Variants in PCDHGA8 observed in about 807,000 individuals in gnomAD.
PCDHGA8 encodes protocadherin gamma subfamily A, 8.
Under a neutral mutation model 59.2 loss-of-function variants are expected in PCDHGA8, and 45 were observed. That is an observed-to-expected ratio of 0.76 (90% CI 0.60 to 0.98). PCDHGA8 has a LOEUF of 0.98. Ranked by LOEUF, PCDHGA8 falls within the 50% of genes least tolerant of loss-of-function variation. The pLI is 0.00. For synonymous variants in PCDHGA8, 531 were observed against 519.0 expected, an observed-to-expected ratio of 1.02 and a Z score of -0.32; for missense variants, 1,257 against 1,196.2, an observed-to-expected ratio of 1.05 and a Z score of -0.75.
chr5:141,434,480 C>T (rs777049751), intron 1 of PCDHGA8, among the ~76,000 whole-genome samples: 6 of 152,194 alleles, frequency 3.9e-5, no homozygotes, highest in Non-Finnish European at 5.9e-5. Context: ...GGGCAAGGAA[C>T]ACCTGGCCCG....
chr5:141,425,576 G>A (rs2096883993), intron 1 of PCDHGA8, among the ~76,000 whole-genome samples: 1 of 152,166 alleles, frequency 6.6e-6, no homozygotes, highest in Non-Finnish European at 1.5e-5. Flanking sequence ...GAAGGGTTTG[G>A]CTAACTTTAT....
At chr5:141,478,338 C>T in intron 1 of PCDHGA8, 2 of 1,613,936 alleles carry the variant, frequency 1.2e-6, no homozygotes, top group South Asian at 1.1e-5. Flanking sequence ...CCAGGGCCCT[C>T]CTTGCACGCG....
At chr5:141,424,198 C>A (rs116187844) in intron 1 of PCDHGA8, 2 of 181,904 alleles carry the variant, frequency 1.1e-5, no homozygotes, top group South Asian at 1.9e-4. Context: ...CACTTATACA[C>A]GTAAGCTTTT....
chr5:141,480,152 C>G (rs2099513323), intron 1 of PCDHGA8, among the ~76,000 whole-genome samples: 1 of 151,928 alleles, frequency 6.6e-6, no homozygotes, highest in African/African-American at 2.4e-5. Context: ...TAGCCAGCTC[C>G]TAGCATTTTG....
Position 141,428,104 on chromosome 5 carries a change from T to C in PCDHGA8, c.2424+32867T>C, listed in dbSNP as rs751953406. ...AACGCTTGGCTGTCCTACCACGTGCTGCAGGCCATCGAGCCCGGGCTTTTC... is the reference window on the plus strand; with the variant it reads ...AACGCTTGGCTGTCCTACCACGTGCCGCAGGCCATCGAGCCCGGGCTTTTC... On this transcript the variant is annotated intron_variant, in intron 1 of 3. Coordinates refer to ENST00000398604, the MANE Select transcript of PCDHGA8 (RefSeq NM_032088.2). The C allele has an allele frequency of 1.9e-6, 3 of 1,608,398 alleles. No individual in the cohort carries two copies. The South Asian group carries it at 3.3e-5, about 18-fold the overall frequency.
chr5:141,469,517 G>A (rs1416478511), intron 1 of PCDHGA8, among the ~76,000 whole-genome samples: 1 of 152,198 alleles, frequency 6.6e-6, no homozygotes, highest in Non-Finnish European at 1.5e-5. Flanking sequence ...GGAGGTTGCA[G>A]TGAGCCAAGA....
chr5:141,466,646 T>C (rs954003023), intron 1 of PCDHGA8, among the ~76,000 whole-genome samples: 11 of 152,210 alleles, frequency 7.2e-5, no homozygotes, highest in African/African-American at 2.4e-4. Context: ...CATAAACTTT[T>C]CACAAAACAT....
In PCDHGA8 at chr5:141,489,223, C is replaced by T. The variant is rs771455540; in HGVS notation, c.2425-5584C>T. The T allele has an allele frequency of 6.6e-7, 1 of 1,515,444 alleles. No homozygotes were observed. The highest frequency in any genetic ancestry group is 1.3e-5 in the South Asian group (1 of 75,776). 93.9% of individuals were successfully genotyped at this position (1,515,444 alleles called of 1,614,324 possible). A position where few individuals can be genotyped will look rare whatever the true frequency, so the allele number is the denominator to read the frequency against. The stretch of plus-strand genomic sequence containing the variant: ...CAGGACAGCACAGACTTACTCTCCA[C>T]AAAGGGACTTCTGGGTCATGGGGCC... On this transcript the variant is annotated intron_variant, in intron 1 of 3. Coordinates refer to ENST00000398604, the MANE Select transcript of PCDHGA8 (RefSeq NM_032088.2). The surrounding 1 kb of genome is among the most constrained non-coding windows in gnomAD (Gnocchi z 4.5).
Position 141,432,295 on chromosome 5 carries a change from G to A in PCDHGA8, c.2424+37058G>A. 6.2e-7 allele frequency: 1 copy of A among 1,614,222 alleles called. No individual in the cohort carries two copies. The highest frequency in any genetic ancestry group is 8.5e-7 in the Non-Finnish European group (1 of 1,180,034). ...ACGTGTCCATCAACTCCGACACTGG[G>A]GTACTGTATGCGCTGAGCTCCTTCG... is the stretch of plus-strand genomic sequence containing the variant. On this transcript the variant is annotated intron_variant, in intron 1 of 3. Coordinates refer to ENST00000398604, the MANE Select transcript of PCDHGA8 (RefSeq NM_032088.2). This position sits in a 1 kb window ranked among gnomAD's most constrained non-coding sequence, Gnocchi z 6.0.
At position 141,430,917 on chromosome 5, in the gene PCDHGA8, G is replaced by A. The variant is rs2097324810; in HGVS notation, c.2424+35680G>A. ...GTGGGCGACATCTCCAGGGACCTGG[G>A]GCTGGAGCCCCGGGAGCTCGCGGAG... On this transcript the variant is annotated intron_variant, in intron 1 of 3. Coordinates refer to ENST00000398604, the MANE Select transcript of PCDHGA8 (RefSeq NM_032088.2). The A allele has an allele frequency of 1.9e-6, 3 of 1,607,956 alleles. No individual in the cohort carries two copies. The highest frequency in any genetic ancestry group is 2.5e-6 in the Non-Finnish European group (3 of 1,177,520).
In PCDHGA8 at chr5:141,486,128, G is replaced by C. The variant is rs1447222839; in HGVS notation, c.2425-8679G>C. ...TGAGAGTGAGAATTACTATGAATTT[G>C]ATGTGCGGGCTCGCGATGGGGGTTC... is the stretch of plus-strand genomic sequence containing the variant. On this transcript the variant is annotated intron_variant, in intron 1 of 3. Transcript: ENST00000398604. This position sits in a 1 kb window ranked among gnomAD's most constrained non-coding sequence, Gnocchi z 5.0. 6.2e-7 allele frequency: 1 copy of C among 1,614,066 alleles called. No homozygotes were observed. Among genetic ancestry groups the C allele is most frequent in the Non-Finnish European group, 8.5e-7 (1 of 1,180,034 alleles).
chr5:141,451,740 G>A (rs370710201), intron 1 of PCDHGA8, among the ~76,000 whole-genome samples: 1 of 152,108 alleles, frequency 6.6e-6, no homozygotes, highest in Non-Finnish European at 1.5e-5. Context: ...AAATTAGCTG[G>A]TCTGGTGGTG....
chr5:141,470,742 G>T (rs2099238719), intron 1 of PCDHGA8, among the ~76,000 whole-genome samples: 1 of 152,066 alleles, frequency 6.6e-6, no homozygotes, highest in African/African-American at 2.4e-5. Flanking sequence ...CTGTCGCCCT[G>T]GCTGGAGTGC....
chr5:141,422,795 A>G lies in PCDHGA8; in HGVS notation c.2424+27558A>G, dbSNP rs543001807. ...CTCTATGCCCTACAATCCTTCGACTATGAGCAGTTTCGAGACTTAGAACTG... is the reference window on the plus strand; with the variant it reads ...CTCTATGCCCTACAATCCTTCGACTGTGAGCAGTTTCGAGACTTAGAACTG... On this transcript the variant is annotated intron_variant, in intron 1 of 3. Transcript: ENST00000398604. 14 of 1,614,198 alleles carry G rather than the reference A, an allele frequency of 8.7e-6. No homozygotes were observed. In the East Asian group the frequency reaches 1.8e-4, roughly 21 times the overall value.
chr5:141,497,740 C>T (rs954595046), intron 2 of PCDHGA8, among the ~76,000 whole-genome samples: 1 of 152,054 alleles, frequency 6.6e-6, no homozygotes, highest in South Asian at 2.1e-4. Context: ...GGTTTCGCCA[C>T]GTTGGCCAGG....
intron 1 of PCDHGA8, among the ~76,000 whole-genome samples, chr5:141,460,447 A>G (rs1202218653): frequency 6.6e-6 from 1 of 152,170 alleles, no homozygotes; most frequent in Non-Finnish European, 1.5e-5. Context: ...GTAACAATGA[A>G]GATTCATATT....
chr5:141,405,612 C>T, intron 1 of PCDHGA8: 1 of 557,514 alleles, frequency 1.8e-6, no homozygotes, highest in Non-Finnish European at 3.2e-6. Flanking sequence ...ATAACTGGGA[C>T]TACAGGCACG....
At chr5:141,469,468 G>A (rs62379200) in intron 1 of PCDHGA8, among the ~76,000 whole-genome samples, 32,669 of 151,998 alleles carry the variant, frequency 0.21, 3,638 homozygotes, top group African/African-American at 0.27. Context: ...TCAGCTACTC[G>A]GGAGGCTGAG....
At position 141,511,420 on chromosome 5, in the gene PCDHGA8, G is replaced by A; in HGVS notation, c.*247G>A. On this transcript the variant is annotated 3_prime_UTR_variant, in exon 4 of 4. Coordinates refer to ENST00000398604, the MANE Select transcript of PCDHGA8 (RefSeq NM_032088.2). ...TCCAATCAACTGCTGTACCCATGGG[G>A]GTAGTGGGGTTACTGTAGACACCAA... 2.4e-6 allele frequency: 2 copies of A among 830,862 alleles called. No individual in the cohort carries two copies. Among genetic ancestry groups the A allele is most frequent in the Non-Finnish European group, 1.8e-6 (1 of 557,336 alleles). The allele number at this position is 830,862 out of a possible 1,614,324, so 51.5% of individuals were successfully genotyped here.
Sources: allele counts gnomAD v4.1 joint callset (sites outside exome capture counted in the v4.1 genomes callset), GRCh38; gene constraint gnomAD v4.1.1; non-coding constraint Gnocchi (gnomAD v3.1); transcripts MANE v1.5; gene names NCBI Gene and HGNC (gene_info 2026-07-23, HGNC 2026-07-21).